Variants in CR1L observed in about 807,000 individuals in gnomAD.
The protein encoded by CR1L is complement C3b/C4b receptor 1 like, also known as complement component receptor 1-like protein.
Under a neutral mutation model 62.3 loss-of-function variants are expected in CR1L, and 59 were observed. The ratio of observed to expected loss-of-function variants is 0.95; its 90% CI spans 0.77 to 1.18. The LOEUF (loss-of-function observed/expected upper bound fraction) is 1.18, where lower values mean the gene tolerates loss of function less well. Ranked by LOEUF, CR1L falls within the 50% of genes most tolerant of loss-of-function variation. CR1L has a pLI of 0.00. For missense variants in CR1L, 700 were observed against 702.8 expected, an observed-to-expected ratio of 1.00 and a Z score of 0.04; for synonymous variants, 279 against 248.7, an observed-to-expected ratio of 1.12 and a Z score of -1.15.
chr1:207,685,241 G>A (rs11118360), intron 4 of CR1L, among the ~76,000 whole-genome samples: 52,628 of 152,062 alleles, frequency 0.35, 9,425 homozygotes, highest in Non-Finnish European at 0.4. Context: ...CTTGGAGAAG[G>A]CTAGGGGAAG....
intron 1 of CR1L, among the ~76,000 whole-genome samples, chr1:207,672,669 T>C (rs560963773): frequency 1.3e-5 from 2 of 152,172 alleles, no homozygotes; most frequent in East Asian, 1.9e-4. Flanking sequence ...GCCATAAAAA[T>C]AGTATGCTAA....
intron 1 of CR1L, among the ~76,000 whole-genome samples, chr1:207,674,918 G>A (rs1663666283): frequency 6.6e-6 from 1 of 151,482 alleles, no homozygotes; most frequent in South Asian, 2.1e-4. Flanking sequence ...CAAATCAGCT[G>A]TGAAACTTTT....
chr1:207,678,788 G>A (rs1440545450), intron 3 of CR1L, among the ~76,000 whole-genome samples: 1 of 152,086 alleles, frequency 6.6e-6, no homozygotes, highest in Non-Finnish European at 1.5e-5. Flanking sequence ...TATTGGCAGA[G>A]CCAGAGCCAG....
chr1:207,655,895 G>T (rs1309883718), intron 1 of CR1L, among the ~76,000 whole-genome samples: 1 of 152,180 alleles, frequency 6.6e-6, no homozygotes. Flanking sequence ...AGGAAGACTT[G>T]GATTTGGGCT....
At chr1:207,648,206 GACACACACACACACACAGA>G (rs1663164632) in intron 1 of CR1L, among the ~76,000 whole-genome samples, 1 of 108,762 alleles carries the variant, frequency 9.2e-6, no homozygotes, top group African/African-American at 3.3e-5. Flanking sequence ...CACACACACA[GACACACACACACACACAGA>G]AAAAAAAAAA....
At chr1:207,676,619 G>T (rs1663696293) in intron 1 of CR1L, among the ~76,000 whole-genome samples, 1 of 152,192 alleles carries the variant, frequency 6.6e-6, no homozygotes, top group South Asian at 2.1e-4. Context: ...AAAGATTGGG[G>T]ACCAAAGTTC....
At chr1:207,694,301 G>A (rs75657969) in intron 4 of CR1L, 52 bp from the exon 5 acceptor site, 83,369 of 1,601,898 alleles carry the variant, frequency 0.052, 2,659 homozygotes, top group South Asian at 0.11. Context: ...TTAGTGACTC[G>A]TGAGATTTTT....
At chr1:207,656,308 T>G (rs2025372) in intron 1 of CR1L, among the ~76,000 whole-genome samples, 60,681 of 152,010 alleles carry the variant, frequency 0.4, 12,360 homozygotes, top group African/African-American at 0.45. Context: ...AAGACAATAT[T>G]TTGGTGGTAT....
chr1:207,653,255 G>A (rs1313157450), intron 1 of CR1L: 1 of 154,396 alleles, frequency 6.5e-6, no homozygotes, highest in South Asian at 2.0e-4. Flanking sequence ...CTCTTCTTAA[G>A]CTTTCATATA....
chr1:207,677,607 A>AT, intron 2 of CR1L, 39 bp downstream of exon 2: 1 of 1,592,224 alleles, frequency 6.3e-7, no homozygotes, highest in Non-Finnish European at 8.5e-7. Flanking sequence ...TGTTAGTCAA[A>AT]CATCTGTAAG....
At chr1:207,659,714 G>T (rs545508375) in intron 1 of CR1L, among the ~76,000 whole-genome samples, 13 of 152,286 alleles carry the variant, frequency 8.5e-5, no homozygotes, top group Non-Finnish European at 1.9e-4. Flanking sequence ...ACCTCACCAA[G>T]GAAGTACAAA....
intron 3 of CR1L, among the ~76,000 whole-genome samples, chr1:207,682,879 A>G (rs1341911810): frequency 1.3e-5 from 2 of 152,198 alleles, no homozygotes; most frequent in Non-Finnish European, 2.9e-5. Context: ...GAGAATTGCT[A>G]ACTTTAACAT....
chr1:207,678,996 CTTTTT>C (rs34807467), intron 3 of CR1L, among the ~76,000 whole-genome samples: 18 of 131,168 alleles, frequency 1.4e-4, no homozygotes, highest in African/African-American at 2.3e-4. Flanking sequence ...GTCCAAAGTT[CTTTTT>C]TTTTTTTTTT....
chr1:207,699,553 T>C (rs1467379893), intron 8 of CR1L, among the ~76,000 whole-genome samples: 3 of 152,222 alleles, frequency 2.0e-5, no homozygotes, highest in African/African-American at 7.2e-5. Flanking sequence ...GTGAAGCTTT[T>C]ACAATTTGCT....
At chr1:207,719,881 G>A (rs1311610321) in intron 11 of CR1L, among the ~76,000 whole-genome samples, 5 of 152,176 alleles carry the variant, frequency 3.3e-5, no homozygotes, top group African/African-American at 7.2e-5. Flanking sequence ...GGGGTAGCCT[G>A]GGTTCAGCCA....
At chr1:207,723,534 G>A in intron 11 of CR1L, 84 bp from the exon 12 acceptor site, 1 of 1,163,414 alleles carries the variant, frequency 8.6e-7, no homozygotes, top group Non-Finnish European at 1.2e-6. Context: ...TAAAAATCAG[G>A]ATAAATTGTC....
At chr1:207,668,792 C>T (rs991148195) in intron 1 of CR1L, among the ~76,000 whole-genome samples, 3 of 151,002 alleles carry the variant, frequency 2.0e-5, no homozygotes, top group Admixed American at 1.3e-4. Context: ...TCAGGGCCAC[C>T]ATCAAACCTC....
chr1:207,675,326 G>A (rs1052223101), intron 1 of CR1L, among the ~76,000 whole-genome samples: 2 of 152,198 alleles, frequency 1.3e-5, no homozygotes, highest in African/African-American at 4.8e-5. Context: ...GAGAGGGTCA[G>A]GGAAGGCATC....
intron 3 of CR1L, among the ~76,000 whole-genome samples, chr1:207,682,037 C>G (rs1431639875): frequency 6.6e-6 from 1 of 152,032 alleles, no homozygotes; most frequent in Non-Finnish European, 1.5e-5. Flanking sequence ...AGGAGAAATA[C>G]CTAATGTAGG....
Sources: allele counts gnomAD v4.1 joint callset (sites outside exome capture counted in the v4.1 genomes callset), GRCh38; gene constraint gnomAD v4.1.1; transcripts MANE v1.5; gene names NCBI Gene and HGNC (gene_info 2026-07-23, HGNC 2026-07-21).